Variants in PNPT1 observed in about 807,000 individuals in gnomAD.
The protein encoded by PNPT1 is polyribonucleotide nucleotidyltransferase 1.
PNPT1 carries 53 observed loss-of-function variants against 119.5 expected under a neutral mutation model. The observed-to-expected ratio is 0.44, with a 90% CI of 0.36 to 0.56. PNPT1 has a LOEUF of 0.56. Among genes scored for constraint, PNPT1 ranks in the 20% least tolerant of loss-of-function variants. The pLI, the probability that PNPT1 is intolerant of heterozygous loss-of-function variation, is 0.00. For synonymous variants in PNPT1, 357 were observed against 322.1 expected (o/e 1.11, Z -1.16); for missense variants, 948 against 938.5 (o/e 1.01, Z -0.13).
At chr2:55,681,007 G>T in intron 5 of PNPT1, 89 bp from the exon 6 acceptor site, 1 of 1,027,466 alleles carries the variant, frequency 9.7e-7, no homozygotes, top group Non-Finnish European at 1.5e-6. Context: ...ATGGCTAAAA[G>T]CAGGGGCTTT....
At chr2:55,647,478 G>T in intron 18 of PNPT1, 25 bp from the exon 19 acceptor site, 1 of 1,543,370 alleles carries the variant, frequency 6.5e-7, no homozygotes, top group Non-Finnish European at 8.9e-7. Flanking sequence ...AAGAACAACT[G>T]TGGGTAATGT....
intron 13 of PNPT1, among the ~76,000 whole-genome samples, chr2:55,665,865 G>A (rs1453123745): frequency 1.3e-5 from 2 of 152,156 alleles, no homozygotes; most frequent in African/African-American, 4.8e-5. Context: ...ATGGTACACA[G>A]AACAATGAAT....
rs142364070 is a variant in PNPT1 at position 55,683,790 on chromosome 2, T to C, written c.448A>G (p.Thr150Ala). 8 of 1,612,872 alleles carry C rather than the reference T, an allele frequency of 5.0e-6. No homozygotes were observed. The African/African-American group carries it at 1.1e-4, about 22-fold the overall frequency. Residue 150 changes from threonine to alanine, a missense_variant, in exon 5 of 28, where the codon ACA becomes GCA. Thr to Ala is a moderately conservative substitution (Grantham distance 58). Transcript: ENST00000447944. ...AAACCTAAAGCAGAATCTACCTGTG[T>C]ATCATAGAAGTAGCCAGCTGGAAAG... Reference protein sequence around the residue: ...PLFPAGYFYDTQVLCNLLAVD... With the variant: ...PLFPAGYFYDAQVLCNLLAVD...
At chr2:55,690,746 T>C (rs1250692650) in intron 1 of PNPT1, among the ~76,000 whole-genome samples, 1 of 152,208 alleles carries the variant, frequency 6.6e-6, no homozygotes, top group Non-Finnish European at 1.5e-5. Context: ...TGGGTTTCTA[T>C]TTATTCAACA....
Position 55,656,331 on chromosome 2 carries a change from C to T in PNPT1, c.1325G>A (p.Gly442Asp), listed in dbSNP as rs2104072847. ...ATGCCCAAGTTCTCTTCTATTTAAA[C>T]CAGTGACTTTGCCAATTTCATTAGT... ...YATNEIGKVT[G>D]LNRRELGHGA... The change falls in exon 16 of 28, where the codon GGT (glycine) becomes GAT (aspartate). Residue 442 changes from glycine (G) to aspartate (D), a missense_variant. Physicochemically the swap from Gly to Asp is moderately conservative, Grantham distance 94. Transcript: ENST00000447944. 2 of 1,610,066 alleles carry T rather than the reference C, an allele frequency of 1.2e-6. No homozygotes were observed. Among genetic ancestry groups the T allele is most frequent in the Non-Finnish European group, 1.7e-6 (2 of 1,178,836 alleles).
At chr2:55,693,284 C>G (rs1316456993) in intron 1 of PNPT1, among the ~76,000 whole-genome samples, 3 of 152,200 alleles carry the variant, frequency 2.0e-5, no homozygotes, top group Non-Finnish European at 2.9e-5. Context: ...GCATCAGAGC[C>G]CCAGCTTCCA....
At chr2:55,668,021 A>C in intron 11 of PNPT1, 63 bp from the exon 12 acceptor site, 2 of 1,390,358 alleles carry the variant, frequency 1.4e-6, no homozygotes, top group Admixed American at 2.6e-5. Flanking sequence ...GATTTCTCTA[A>C]AGTTCATAGC....
At chr2:55,659,154 C>A (rs1696485168) in intron 15 of PNPT1, among the ~76,000 whole-genome samples, 1 of 152,060 alleles carries the variant, frequency 6.6e-6, no homozygotes, top group South Asian at 2.1e-4. Flanking sequence ...CAGGATCTCA[C>A]TATGTTGCCC....
rs1048051448 is a variant in PNPT1 at position 55,634,896 on chromosome 2, G to A, written c.*1341C>T. The stretch of plus-strand genomic sequence containing the variant: ...TTTATAAGATTTAAAATTTTTTTTA[G>A]AGATAAGAGTCCTGCTATGTTGCCC... On this transcript the variant is annotated 3_prime_UTR_variant, in exon 28 of 28. Coordinates refer to ENST00000447944, the MANE Select transcript of PNPT1 (RefSeq NM_033109.5). 6.6e-6 allele frequency: 1 copy of A among 151,794 alleles called. No homozygotes were observed. The highest frequency in any genetic ancestry group is 1.5e-5 in the Non-Finnish European group (1 of 67,994). The allele number at this position is 151,794 out of a possible 1,614,324, so 9.4% of individuals were successfully genotyped here.
intron 15 of PNPT1, 136 bp from the exon 16 acceptor site, chr2:55,656,507 T>A: frequency 1.3e-6 from 1 of 758,904 alleles, no homozygotes; most frequent in Non-Finnish European, 2.1e-6. Flanking sequence ...CATTCATAAA[T>A]ATACAGAAAA....
At chr2:55,647,187 G>C (rs1696030308) in intron 19 of PNPT1, among the ~76,000 whole-genome samples, 160 bp downstream of exon 19, 1 of 152,134 alleles carries the variant, frequency 6.6e-6, no homozygotes, top group African/African-American at 2.4e-5. Flanking sequence ...AGGAGGAAGG[G>C]AAGAACAAGT....
Position 55,644,649 on chromosome 2 carries a change from G to C in PNPT1, c.1894C>G (p.Gln632Glu). The part of the protein sequence containing the change: ...GPGGYNLKKL[Q>E]AETGVTISQV... ...ATACAACTCTTACCTGTTTCAGCCT[G>C]AAGTTTTTTTAAGTTATAGCCACCA... Residue 632 changes from glutamine (Q) to glutamate (E), a missense_variant, in exon 23 of 28, where the codon CAG (glutamine) becomes GAG (glutamate). Coordinates refer to ENST00000447944, the MANE Select transcript of PNPT1 (RefSeq NM_033109.5). 6.2e-7 allele frequency: 1 copy of C among 1,608,450 alleles called. No individual in the cohort carries two copies. The highest frequency in any genetic ancestry group is 8.5e-7 in the Non-Finnish European group (1 of 1,175,268).
At chr2:55,678,572 C>A (rs1001335116) in intron 8 of PNPT1, among the ~76,000 whole-genome samples, 2 of 152,140 alleles carry the variant, frequency 1.3e-5, no homozygotes, top group Admixed American at 6.6e-5. Context: ...GATAAGTTGG[C>A]CAGAGCTCTT....
intron 27 of PNPT1, among the ~76,000 whole-genome samples, chr2:55,637,079 G>T (rs879660000): frequency 2.6e-5 from 4 of 152,144 alleles, no homozygotes; most frequent in African/African-American, 4.8e-5. Context: ...GACTGGCAAT[G>T]ACTTCTTTCA....
intron 18 of PNPT1, among the ~76,000 whole-genome samples, chr2:55,652,330 C>G (rs1165893511): frequency 6.6e-6 from 1 of 152,136 alleles, no homozygotes; most frequent in African/African-American, 2.4e-5. Context: ...TCGGCCCATC[C>G]CACAGGACTT....
In PNPT1 at chr2:55,660,025, GC is replaced by G. The variant is rs145132253; in HGVS notation, c.1284+131del. ...AGGCTGAGGCGGGAGGATGTCTTGA[GC>G]CTGGGAGGGAGAGGTTGCAGTGAGC... On this transcript the variant is annotated intron_variant, in intron 15 of 27. Transcript: ENST00000447944. 34,021 of 819,022 alleles carry G rather than the reference GC, an allele frequency of 0.042. 1,016 individuals are homozygous for G. Among genetic ancestry groups the G allele is most frequent in the Non-Finnish European group, 0.048 (27,630 of 572,842 alleles). 50.7% of individuals were successfully genotyped at this position (819,022 alleles called of 1,614,324 possible).
At chr2:55,691,290 C>T (rs1697592130) in intron 1 of PNPT1, among the ~76,000 whole-genome samples, 1 of 152,188 alleles carries the variant, frequency 6.6e-6, no homozygotes, top group African/African-American at 2.4e-5. Context: ...TAAACACCTG[C>T]CTCCAAGGTT....
intron 18 of PNPT1, among the ~76,000 whole-genome samples, chr2:55,649,591 C>G (rs553324520): frequency 6.6e-6 from 1 of 152,184 alleles, no homozygotes. Flanking sequence ...GCTTCTTAGT[C>G]TCTCCCATCT....
At chr2:55,646,547 C>G in intron 19 of PNPT1, 61 bp from the exon 20 acceptor site, 1 of 1,364,836 alleles carries the variant, frequency 7.3e-7, no homozygotes, top group Non-Finnish European at 1.0e-6. Flanking sequence ...AACATATTCA[C>G]TGTAGAAACA....
Sources: allele counts gnomAD v4.1 joint callset (sites outside exome capture counted in the v4.1 genomes callset), GRCh38; gene constraint gnomAD v4.1.1; transcripts MANE v1.5; gene names NCBI Gene and HGNC (gene_info 2026-07-23, HGNC 2026-07-21).